KCNH1: variants seen among roughly 807,000 people sequenced by gnomAD.
KCNH1 encodes potassium voltage-gated channel subfamily H member 1, also known as voltage-gated delayed rectifier potassium channel KCNH1.
KCNH1 carries 27 observed loss-of-function variants against 69.2 expected under a neutral mutation model. The ratio of observed to expected loss-of-function variants is 0.39; its 90% CI spans 0.29 to 0.54. The LOEUF (loss-of-function observed/expected upper bound fraction) is 0.54. Ranked by LOEUF, KCNH1 falls within the 20% of genes least tolerant of loss-of-function variation. The pLI, the probability that KCNH1 is intolerant of heterozygous loss-of-function variation, is 0.68. For missense variants in KCNH1, 798 were observed against 1,261.6 expected (o/e 0.63, Z 5.57); for synonymous variants, 456 against 487.7 (o/e 0.93, Z 0.86).
intron 7 of KCNH1, among the ~76,000 whole-genome samples, chr1:210,896,288 C>T (rs537410010): frequency 2.0e-5 from 3 of 151,740 alleles, no homozygotes; most frequent in African/African-American, 4.8e-5. Context: ...CATCAATGTA[C>T]GGGATCTTTA....
intron 7 of KCNH1, chr1:210,860,703 G>C (rs1685959273): frequency 1.3e-5 from 10 of 774,732 alleles, no homozygotes; most frequent in East Asian, 2.4e-5. Flanking sequence ...TTTCTTGATT[G>C]CTGATAAATA....
chr1:211,076,715 G>A (rs542377659), intron 5 of KCNH1, among the ~76,000 whole-genome samples: 6 of 152,304 alleles, frequency 3.9e-5, no homozygotes, highest in East Asian at 3.9e-4. Flanking sequence ...CCAAAGGATC[G>A]CAGCTCCTCG....
At chr1:210,774,431 C>T (rs980325134) in intron 10 of KCNH1, among the ~76,000 whole-genome samples, 3 of 152,082 alleles carry the variant, frequency 2.0e-5, no homozygotes, top group African/African-American at 7.2e-5. Flanking sequence ...TAACACAAGG[C>T]CTCAGAGAGG....
In KCNH1 at chr1:211,060,400, C is replaced by CAAA. The variant is rs60620622; in HGVS notation, c.558+22377_558+22379dup. Among the ~76,000 whole-genome samples the CAAA allele has an allele frequency of 5.4e-3, 240 of 44,306 alleles. 13 individuals carry two copies. The highest frequency in any genetic ancestry group is 0.038 in the Middle Eastern group (1 of 26). The allele number at this position is 44,306 out of a possible 152,430, so 29.1% of individuals were successfully genotyped here. On this transcript the variant is annotated intron_variant, in intron 5 of 10. Coordinates refer to ENST00000271751, the MANE Select transcript of KCNH1 (RefSeq NM_172362.3). ...TGGGCGACAGAGCGAGACTCCGTCT[C>CAAA]AAAAAAAAAAAAAAAAAAAAAAAAA...
intron 7 of KCNH1, among the ~76,000 whole-genome samples, chr1:210,874,504 T>C (rs11119624): frequency 0.54 from 81,843 of 151,994 alleles, 22,490 homozygotes; most frequent in East Asian, 0.66. Context: ...AAAGGTCTCA[T>C]GGAAACATGA....
intron 6 of KCNH1, among the ~76,000 whole-genome samples, chr1:210,931,196 G>A (rs777119811): frequency 6.6e-6 from 1 of 152,068 alleles, no homozygotes; most frequent in Non-Finnish European, 1.5e-5. Context: ...GTCATTATAC[G>A]AAAAAGATAC....
intron 6 of KCNH1, among the ~76,000 whole-genome samples, chr1:210,951,934 C>T (rs988571270): frequency 2.0e-5 from 3 of 152,110 alleles, no homozygotes; most frequent in African/African-American, 7.2e-5. Flanking sequence ...TTAAGCCATG[C>T]GTTTCAGCCC....
intron 10 of KCNH1, among the ~76,000 whole-genome samples, chr1:210,720,857 C>T (rs1282105446): frequency 2.6e-5 from 4 of 152,144 alleles, no homozygotes; most frequent in African/African-American, 9.7e-5. Flanking sequence ...GAAAGTTGGG[C>T]CTCCTCACAG....
chr1:210,842,991 A>G (rs1246243614), intron 7 of KCNH1, among the ~76,000 whole-genome samples: 1 of 152,184 alleles, frequency 6.6e-6, no homozygotes, highest in Non-Finnish European at 1.5e-5. Context: ...TTCACTACAT[A>G]TATTAACAAG....
At chr1:211,036,266 C>T (rs1352204582) in intron 5 of KCNH1, among the ~76,000 whole-genome samples, 1 of 152,138 alleles carries the variant, frequency 6.6e-6, no homozygotes, top group African/African-American at 2.4e-5. Context: ...GGTCTGGCAA[C>T]TCATTGTCCA....
chr1:210,869,330 C>T (rs1283332085), intron 7 of KCNH1, among the ~76,000 whole-genome samples: 1 of 152,034 alleles, frequency 6.6e-6, no homozygotes, highest in Non-Finnish European at 1.5e-5. Context: ...TTTTTAGCCA[C>T]TACTTGTGAT....
intron 1 of KCNH1, among the ~76,000 whole-genome samples, chr1:211,114,850 C>A (rs1421199256): frequency 6.6e-6 from 1 of 152,168 alleles, no homozygotes; most frequent in African/African-American, 2.4e-5. Context: ...GACAAAATAT[C>A]AAATAATATA....
At chr1:211,059,231 G>A (rs533412913) in intron 5 of KCNH1, among the ~76,000 whole-genome samples, 1 of 149,450 alleles carries the variant, frequency 6.7e-6, no homozygotes, top group African/African-American at 2.5e-5. Context: ...AGTGAGCTGA[G>A]ATCACACCAC....
In KCNH1 at chr1:210,775,383, G is replaced by A. The variant is rs764518229; in HGVS notation, c.2077C>T (p.Arg693Trp). Reference sequence around the variant, plus strand: ...AAGTTGTACGTCAGAATCAGGTTCCGGGAGAAGGAATGGGAGAAGGCCGTG... The same window carrying A: ...AAGTTGTACGTCAGAATCAGGTTCCAGGAGAAGGAATGGGAGAAGGCCGTG... Reference protein sequence around the residue: ...FYTAFSHSFSRNLILTYNLRK... With the variant: ...FYTAFSHSFSWNLILTYNLRK... The change falls in exon 10 of 11, where the codon CGG becomes TGG. Residue 693 changes from arginine to tryptophan, a missense_variant. Coordinates refer to ENST00000271751, the MANE Select transcript of KCNH1 (RefSeq NM_172362.3). 14 of 1,613,944 alleles carry A rather than the reference G, an allele frequency of 8.7e-6. No individual in the cohort carries two copies. Among genetic ancestry groups the A allele is most frequent in the Non-Finnish European group, 1.0e-5 (12 of 1,180,002 alleles).
chr1:210,686,210 A>G (rs993393415), intron 10 of KCNH1, among the ~76,000 whole-genome samples: 3 of 152,186 alleles, frequency 2.0e-5, no homozygotes, highest in South Asian at 2.1e-4. Context: ...GGGATGGGAA[A>G]GTGATAAGTA....
At chr1:210,890,580 A>G (rs1270309888) in intron 7 of KCNH1, among the ~76,000 whole-genome samples, 1 of 152,222 alleles carries the variant, frequency 6.6e-6, no homozygotes, top group African/African-American at 2.4e-5. Flanking sequence ...TGCACAGCAA[A>G]AGGAACTATC....
intron 8 of KCNH1, among the ~76,000 whole-genome samples, chr1:210,800,592 C>A (rs1040397970): frequency 2.6e-5 from 4 of 152,154 alleles, no homozygotes; most frequent in African/African-American, 9.7e-5. Context: ...TCACAGCCAT[C>A]AGTCATTTCC....
At chr1:210,722,423 G>A (rs1682492852) in intron 10 of KCNH1, among the ~76,000 whole-genome samples, 1 of 152,060 alleles carries the variant, frequency 6.6e-6, no homozygotes, top group Non-Finnish European at 1.5e-5. Flanking sequence ...TAGGTATATA[G>A]CAGGAGCCCA....
chr1:210,884,354 C>T (rs541769142), intron 7 of KCNH1, among the ~76,000 whole-genome samples: 1 of 152,186 alleles, frequency 6.6e-6, no homozygotes, highest in Non-Finnish European at 1.5e-5. Flanking sequence ...CACCTGCAGC[C>T]TGTCTGGAGG....
Sources: gnomAD v4.1 joint callset for allele counts (sites outside exome capture counted in the v4.1 genomes callset) on GRCh38, gnomAD v4.1.1 for gene constraint, MANE v1.5 for transcripts, NCBI Gene and HGNC (gene_info 2026-07-23, HGNC 2026-07-21) for gene names.